The following PARD3 variants were observed in gnomAD, a reference collection of about 807,000 sequenced individuals.
The protein encoded by PARD3 is partitioning defective 3 homolog.
Under a neutral mutation model 155.4 loss-of-function variants are expected in PARD3, and 75 were observed. That is an observed-to-expected ratio of 0.48 (90% CI 0.40 to 0.58). PARD3 has a LOEUF of 0.58. PARD3 is among the 20% of genes least tolerant of loss of function. The pLI is 0.00. For synonymous variants in PARD3, 576 were observed against 610.5 expected (o/e 0.94, Z 0.83); for missense variants, 1,642 against 1,721.7 (o/e 0.95, Z 0.82).
At chr10:34,252,571 A>G (rs913036084) in intron 22 of PARD3, among the ~76,000 whole-genome samples, 2 of 152,154 alleles carry the variant, frequency 1.3e-5, no homozygotes, top group Non-Finnish European at 2.9e-5. Flanking sequence ...GGGAAATGGC[A>G]GCGGCCCTTG....
chr10:34,171,082 T>C (rs1949765118), intron 22 of PARD3, among the ~76,000 whole-genome samples: 1 of 152,232 alleles, frequency 6.6e-6, no homozygotes, highest in African/African-American at 2.4e-5. Flanking sequence ...ACTCACTCTT[T>C]ATTCATGACA....
At chr10:34,207,695 G>A (rs548097732) in intron 22 of PARD3, among the ~76,000 whole-genome samples, 13 of 152,264 alleles carry the variant, frequency 8.5e-5, no homozygotes, top group African/African-American at 2.9e-4. Context: ...CTAATGAAGA[G>A]ACACAGTAAA....
chr10:34,727,953 GCACA>G (rs2094748380), intron 1 of PARD3, among the ~76,000 whole-genome samples: 1 of 151,466 alleles, frequency 6.6e-6, no homozygotes, highest in Admixed American at 6.6e-5. Flanking sequence ...CACATACTGG[GCACA>G]GGCCTTTTCA....
At chr10:34,122,559 A>G (rs1947064284) in intron 23 of PARD3, among the ~76,000 whole-genome samples, 1 of 152,204 alleles carries the variant, frequency 6.6e-6, no homozygotes, top group Admixed American at 6.5e-5. Context: ...AAACATAAAC[A>G]TTGGCTTCAC....
At chr10:34,713,994 T>C (rs1161926697) in intron 1 of PARD3, among the ~76,000 whole-genome samples, 2 of 152,186 alleles carry the variant, frequency 1.3e-5, no homozygotes, top group African/African-American at 4.8e-5. Context: ...ACTTTAAGGT[T>C]ACTCATCCAG....
chr10:34,591,684 T>A (rs910137183), intron 2 of PARD3, among the ~76,000 whole-genome samples: 3 of 152,152 alleles, frequency 2.0e-5, no homozygotes, highest in African/African-American at 7.2e-5. Flanking sequence ...GGAAACAGAA[T>A]GCAAGGCCTT....
chr10:34,139,034 A>G (rs776339569), intron 22 of PARD3, among the ~76,000 whole-genome samples: 108 of 152,154 alleles, frequency 7.1e-4, no homozygotes, highest in Non-Finnish European at 1.2e-3. Context: ...CCATGTACAC[A>G]TCACAGGGCA....
Position 34,119,788 on chromosome 10 carries a change from A to C in PARD3, c.3541-48T>G. On this transcript the variant is annotated intron_variant, in intron 23 of 24. Coordinates refer to ENST00000374788, the MANE Select transcript of PARD3 (RefSeq NM_001184785.2). The stretch of plus-strand genomic sequence containing the variant: ...CATCGTTAACCAGAAAGTTCTGTAC[A>C]GATCACACAACTGGTTGACTCCATT... 5 of 1,507,596 alleles carry C rather than the reference A, an allele frequency of 3.3e-6. No homozygotes were observed. The South Asian group carries it at 3.9e-5, about 12-fold the overall frequency. The allele number at this position is 1,507,596 out of a possible 1,614,324, so 93.4% of individuals were successfully genotyped here. A position where few individuals can be genotyped will look rare whatever the true frequency, so the allele number is the denominator to read the frequency against.
intron 1 of PARD3, among the ~76,000 whole-genome samples, chr10:34,718,396 A>G (rs2094554079): frequency 6.6e-6 from 1 of 152,160 alleles, no homozygotes; most frequent in South Asian, 2.1e-4. Context: ...ACAGTGGCTC[A>G]CACCTGTAAT....
chr10:34,450,878 A>C (rs1389561745), intron 4 of PARD3, among the ~76,000 whole-genome samples: 1 of 152,216 alleles, frequency 6.6e-6, no homozygotes, highest in Non-Finnish European at 1.5e-5. Context: ...TGCTAAAAAT[A>C]AGGAAGATTA....
chr10:34,534,660 A>C (rs1396399759), intron 2 of PARD3, among the ~76,000 whole-genome samples: 1 of 152,214 alleles, frequency 6.6e-6, no homozygotes, highest in East Asian at 1.9e-4. Flanking sequence ...CCCAAGGTCC[A>C]GCGGCTGCAG....
chr10:34,480,576 T>C (rs1156319429), intron 3 of PARD3, among the ~76,000 whole-genome samples: 1 of 152,128 alleles, frequency 6.6e-6, no homozygotes, highest in Non-Finnish European at 1.5e-5. Flanking sequence ...GTTATTCAAC[T>C]AGAGGACAAG....
At chr10:34,579,560 G>GTGTC (rs2087222727) in intron 2 of PARD3, among the ~76,000 whole-genome samples, 2 of 130,026 alleles carry the variant, frequency 1.5e-5, no homozygotes, top group African/African-American at 6.5e-5. Flanking sequence ...TTCTCTGTGT[G>GTGTC]TGTGTGTGTG....
intron 12 of PARD3, among the ~76,000 whole-genome samples, chr10:34,370,987 A>C (rs1840541036): frequency 6.6e-6 from 1 of 152,122 alleles, no homozygotes; most frequent in African/African-American, 2.4e-5. Context: ...ACTAATTTGA[A>C]GTGCCATCTT....
Position 34,317,358 on chromosome 10 carries a change from A to C in PARD3, c.2834-20T>G, listed in dbSNP as rs757081771. The C allele has an allele frequency of 5.7e-6, 9 of 1,580,342 alleles. No individual in the cohort carries two copies. In the East Asian group the frequency reaches 1.1e-4, roughly 20 times the overall value. The stretch of plus-strand genomic sequence containing the variant: ...CTTCCACTTGGAAGGAAAGAAAAAA[A>C]AATAGGGACACAGTGAACCAACGCA... On this transcript the variant is annotated intron_variant, in intron 19 of 24. Transcript: ENST00000374788.
At chr10:34,315,533 A>C (rs765575598) in intron 20 of PARD3, among the ~76,000 whole-genome samples, 2 of 152,164 alleles carry the variant, frequency 1.3e-5, no homozygotes, top group Non-Finnish European at 2.9e-5. Context: ...TCTCAGGGGA[A>C]GGTTTCTCCC....
intron 2 of PARD3, among the ~76,000 whole-genome samples, chr10:34,538,279 C>T (rs150425604): frequency 6.6e-6 from 1 of 152,302 alleles, no homozygotes; most frequent in Non-Finnish European, 1.5e-5. Context: ...TTAAAAACAA[C>T]AGGAACATCA....
chr10:34,374,947 C>T lies in PARD3; in HGVS notation c.1595G>A (p.Arg532Lys). ...KSQEEVVSLL[R>K]STKMEGTVSL... is the part of the protein sequence containing the mutation. ...CACAGTTCCTTCCATCTTGGTGCTT[C>T]TCAACAGCGAAACAACTTCCTCTTG... Residue 532 changes from arginine to lysine, a missense_variant, in exon 11 of 25, where the codon AGA (arginine) becomes AAA (lysine). Coordinates refer to ENST00000374788, the MANE Select transcript of PARD3 (RefSeq NM_001184785.2). 1 of 1,613,908 alleles carries T rather than the reference C, an allele frequency of 6.2e-7. No individual in the cohort carries two copies. Among genetic ancestry groups the T allele is most frequent in the Non-Finnish European group, 8.5e-7 (1 of 1,179,870 alleles).
intron 1 of PARD3, among the ~76,000 whole-genome samples, chr10:34,732,167 AG>A (rs1197421854): frequency 6.6e-6 from 1 of 152,174 alleles, no homozygotes; most frequent in Non-Finnish European, 1.5e-5. Flanking sequence ...GCTTATTGAA[AG>A]GTAAGAAAAA....
Sources: gnomAD v4.1 joint callset for allele counts (sites outside exome capture counted in the v4.1 genomes callset) on GRCh38, gnomAD v4.1.1 for gene constraint, MANE v1.5 for transcripts, NCBI Gene and HGNC (gene_info 2026-07-23, HGNC 2026-07-21) for gene names.